TYMS: variants seen among roughly 807,000 people sequenced by gnomAD.
The protein encoded by TYMS is thymidylate synthase.
TYMS carries 21 observed loss-of-function variants against 39.3 expected under a neutral mutation model. The observed-to-expected ratio is 0.54, with a 90% CI of 0.38 to 0.77. TYMS has a LOEUF of 0.77. Among genes scored for constraint, TYMS ranks in the 30% least tolerant of loss-of-function variants. The probability of loss-of-function intolerance (pLI) is 0.00; values close to 1 mark genes in which losing one functional copy is unlikely to be tolerated. For synonymous variants in TYMS, 171 were observed against 162.2 expected, an observed-to-expected ratio of 1.05 and a Z score of -0.41; for missense variants, 273 against 406.7, an observed-to-expected ratio of 0.67 and a Z score of 2.83.
intron 6 of TYMS, chr18:672,282 A>AAGTT (rs1390042114): frequency 2.0e-5 from 3 of 152,206 alleles, no homozygotes; most frequent in African/African-American, 7.2e-5. Flanking sequence ...CAGGTTTTAA[A>AAGTT]AGTTACTCCT....
intron 3 of TYMS, among the ~76,000 whole-genome samples, chr18:665,188 A>G (rs1399221364): frequency 3.3e-5 from 5 of 151,180 alleles, no homozygotes; most frequent in African/African-American, 1.2e-4. Context: ...TATTGCCACA[A>G]TTTCAGCTCC....
At chr18:667,038 TGGTGATGGTGATGGAGATGGA>T in intron 3 of TYMS, among the ~76,000 whole-genome samples, 1 of 22,170 alleles carries the variant, frequency 4.5e-5, no homozygotes. Context: ...GTGATGGAGA[TGGTGATGGTGATGGAGATGGA>T]GATGGTGATG....
intron 3 of TYMS, among the ~76,000 whole-genome samples, chr18:664,126 A>G (rs2074783841): frequency 6.6e-6 from 1 of 150,880 alleles, no homozygotes; most frequent in Admixed American, 6.6e-5. Flanking sequence ...CATTTTCACG[A>G]TATTGATTCT....
At chr18:665,069 A>C (rs1309095497) in intron 3 of TYMS, among the ~76,000 whole-genome samples, 1 of 151,836 alleles carries the variant, frequency 6.6e-6, no homozygotes. Context: ...TTTTCTATTG[A>C]TTGGAATAGT....
chr18:666,689 C>CTA (rs2144292212), intron 3 of TYMS, among the ~76,000 whole-genome samples: 1 of 152,326 alleles, frequency 6.6e-6, no homozygotes, highest in Non-Finnish European at 1.5e-5. Context: ...AGCCTAAAAT[C>CTA]TATATTTTAT....
rs771981939 is a variant in TYMS, at chr18:672,820, G to A, written c.805-40G>A. 5.9e-5 allele frequency: 91 copies of A among 1,538,812 alleles called. 1 individual carries two copies. The East Asian group carries it at 7.3e-4, about 12-fold the overall frequency. On this transcript the variant is annotated intron_variant, in intron 6 of 6. Transcript: ENST00000323274. ...ACATGAGGAGCAATTACAACAGGTC[G>A]TACAATTATGGCAAAATAATGGCCT...
At chr18:659,336 G>T (rs1224487781) in intron 1 of TYMS, among the ~76,000 whole-genome samples, 14 of 152,086 alleles carry the variant, frequency 9.2e-5, no homozygotes, top group Admixed American at 9.2e-4. Context: ...AGCACTAGTG[G>T]GCAGTGGATG....
rs1374665602 is a variant in TYMS at position 658,463 on chromosome 18, T to C, written c.205+516T>C. On this transcript the variant is annotated intron_variant, in intron 1 of 6. Coordinates refer to ENST00000323274, the MANE Select transcript of TYMS (RefSeq NM_001071.4). The surrounding 1 kb of genome is among the most constrained non-coding windows in gnomAD (Gnocchi z 4.5). ...AAGCTGGCGCGGGAACTTGGTTTCC[T>C]GGTGGCCTCCCATCCAATCCCCACG... is the stretch of plus-strand genomic sequence containing the variant. 3.3e-5 allele frequency: 20 copies of C among 606,960 alleles called. No homozygotes were observed. Among genetic ancestry groups the C allele is most frequent in the East Asian group, 3.1e-4 (4 of 12,830 alleles). The allele number at this position is 606,960 out of a possible 1,614,324, so 37.6% of individuals were successfully genotyped here.
intron 3 of TYMS, among the ~76,000 whole-genome samples, chr18:666,691 A>G (rs557234071): frequency 2.4e-4 from 36 of 152,338 alleles, no homozygotes; most frequent in African/African-American, 8.4e-4. Context: ...CCTAAAATCT[A>G]TATTTTATGT....
chr18:669,288 C>A, intron 4 of TYMS, 115 bp downstream of exon 4: 1 of 738,824 alleles, frequency 1.4e-6, no homozygotes, highest in Non-Finnish European at 2.2e-6. Context: ...CCCCCAGCCA[C>A]ATGGTTGATT....
chr18:658,155 A>G lies in TYMS; in HGVS notation c.205+208A>G. Reference sequence around the variant, plus strand: ...GACTGGCGCGGGCAACACACACAGCAGCGACAGCCGGGAGGTAAGCCGCGT... The same window carrying G: ...GACTGGCGCGGGCAACACACACAGCGGCGACAGCCGGGAGGTAAGCCGCGT... On this transcript the variant is annotated intron_variant, in intron 1 of 6. Transcript: ENST00000323274. The surrounding 1 kb of genome is among the most constrained non-coding windows in gnomAD (Gnocchi z 4.5). 6.3e-7 allele frequency: 1 copy of G among 1,579,934 alleles called. No homozygotes were observed. Among genetic ancestry groups the G allele is most frequent in the African/African-American group, 1.3e-5 (1 of 74,150 alleles).
intron 4 of TYMS, 193 bp downstream of exon 4, chr18:669,366 A>ATTTTTTTTT (rs68090938): frequency 8.8e-5 from 17 of 192,258 alleles, no homozygotes; most frequent in African/African-American, 1.2e-4. Flanking sequence ...GGCCCAGAGG[A>ATTTTTTTTT]TTTTTTTTTT....
chr18:671,147 C>T (rs555958315), intron 5 of TYMS: 6 of 613,738 alleles, frequency 9.8e-6, no homozygotes, highest in African/African-American at 7.4e-5. Context: ...TGGCTCATGC[C>T]TGTAATCCCA....
Position 669,082 on chromosome 18 carries a change from A to G in TYMS, c.465A>G (p.Gly155=), listed in dbSNP as rs2074925194. ...TTGACAATTCTACAGATTATTCAGG[A>G]CAGGGAGTTGACCAACTGCAAAGAG... The part of the protein sequence containing the change: ...EYRDMESDYS[G]QGVDQLQRVI... The change falls in exon 4 of 7, where the codon GGA becomes GGG. Residue 155 remains glycine, a synonymous_variant. Coordinates refer to ENST00000323274, the MANE Select transcript of TYMS (RefSeq NM_001071.4). 6.2e-7 allele frequency: 1 copy of G among 1,613,864 alleles called. No individual in the cohort carries two copies. The highest frequency in any genetic ancestry group is 1.3e-5 in the African/African-American group (1 of 74,926).
At chr18:671,021 T>C in intron 5 of TYMS, 154 bp downstream of exon 5, 1 of 945,110 alleles carries the variant, frequency 1.1e-6, no homozygotes, top group Non-Finnish European at 1.5e-6. Flanking sequence ...CTTTGAAACC[T>C]TCCTCTTCTG....
chr18:666,933 TG>T lies in TYMS; in HGVS notation c.455-2138del, dbSNP rs2074834400. Reference sequence around the variant, plus strand: ...GTGATGGTGATGGAGATGGTGATGGTGATGGAGATGGTGATGGTGATGGAGA... The same window carrying T: ...GTGATGGTGATGGAGATGGTGATGGTATGGAGATGGTGATGGTGATGGAGA... On this transcript the variant is annotated intron_variant, in intron 3 of 6. Coordinates refer to ENST00000323274, the MANE Select transcript of TYMS (RefSeq NM_001071.4). 4.2e-5 allele frequency among the ~76,000 whole-genome samples: 2 copies of T among 47,788 alleles called. 1 individual carries two copies. The highest frequency in any genetic ancestry group is 2.2e-3 in the South Asian group (2 of 902). The allele number at this position is 47,788 out of a possible 152,430, so 31.4% of individuals were successfully genotyped here.
At chr18:661,954 C>T (rs1043210384) in intron 2 of TYMS, among the ~76,000 whole-genome samples, 192 bp from the exon 3 acceptor site, 1 of 152,226 alleles carries the variant, frequency 6.6e-6, no homozygotes, top group Non-Finnish European at 1.5e-5. Flanking sequence ...CATTGCACTC[C>T]AGCCTGGGCA....
chr18:664,641 A>G (rs2074790399), intron 3 of TYMS, among the ~76,000 whole-genome samples: 1 of 143,598 alleles, frequency 7.0e-6, no homozygotes, highest in East Asian at 2.0e-4. Flanking sequence ...TCAGTATGAT[A>G]TTGGCTGTGG....
rs368648823 is a variant in TYMS at position 671,369 on chromosome 18, C to T, written c.733-11C>T. ...TAACATACTGTTCTGCTTTCTCCCC[C>T]GGGTTTATAGCCAGGTGACTTTATA... On this transcript the variant is annotated splice_polypyrimidine_tract_variant and intron_variant, in intron 5 of 6. Coordinates refer to ENST00000323274, the MANE Select transcript of TYMS (RefSeq NM_001071.4). The T allele has an allele frequency of 3.1e-5, 50 of 1,588,054 alleles. No homozygotes were observed. The highest frequency in any genetic ancestry group is 4.0e-5 in the African/African-American group (3 of 74,330).
Sources: allele counts gnomAD v4.1 joint callset (sites outside exome capture counted in the v4.1 genomes callset), GRCh38; gene constraint gnomAD v4.1.1; non-coding constraint Gnocchi (gnomAD v3.1); transcripts MANE v1.5; gene names NCBI Gene and HGNC (gene_info 2026-07-23, HGNC 2026-07-21).